SOX10: variants seen among roughly 807,000 people sequenced by gnomAD.
SOX10 encodes the protein SRY-box transcription factor 10.
A neutral mutation model predicts 35.0 loss-of-function variants in SOX10; 3 were observed. The ratio of observed to expected loss-of-function variants is 0.09; its 90% CI spans 0.04 to 0.22. The LOEUF is 0.22. Among genes scored for constraint, SOX10 ranks in the 10% least tolerant of loss-of-function variants. The pLI is 1.00. For synonymous variants in SOX10, 285 were observed against 291.0 expected, an observed-to-expected ratio of 0.98 and a Z score of 0.21; for missense variants, 436 against 655.1, an observed-to-expected ratio of 0.67 and a Z score of 3.65.
rs1932144389 is a variant in SOX10, at chr22:37,973,981, C to T, written c.915G>A (p.Gly305=). 1.2e-6 allele frequency: 2 copies of T among 1,612,526 alleles called. No individual in the cohort carries two copies. The highest frequency in any genetic ancestry group is 2.2e-5 in the East Asian group (1 of 44,884). The change falls in exon 4 of 4, where the codon GGG becomes GGA. Residue 305 remains glycine (G), a synonymous_variant. Transcript: ENST00000396884. The part of the protein sequence containing the change: ...AELDQYLPPN[G]HPGHVSSYSA... ...AGTAGCTGCTCACATGGCCTGGGTGCCCATTGGGCGGCAGGTACTGGTCCA... is the reference window on the plus strand; with the variant it reads ...AGTAGCTGCTCACATGGCCTGGGTGTCCATTGGGCGGCAGGTACTGGTCCA...
chr22:37,983,261 G>T lies in SOX10; in HGVS notation c.428+96C>A. On this transcript the variant is annotated intron_variant, in intron 2 of 3. Transcript: ENST00000396884. The surrounding 1 kb of genome is among the most constrained non-coding windows in gnomAD (Gnocchi z 9.5). ...CCTATCCAAGGAGGACTGCCAGACA[G>T]TCCCGCTCTGAGGTGCAGGAGGCCG... is the stretch of plus-strand genomic sequence containing the variant. 1 of 1,381,228 alleles carries T rather than the reference G, an allele frequency of 7.2e-7. No individual in the cohort carries two copies. The highest frequency in any genetic ancestry group is 1.0e-6 in the Non-Finnish European group (1 of 1,003,658). The allele number at this position is 1,381,228 out of a possible 1,614,324, so 85.6% of individuals were successfully genotyped here. A position where few individuals can be genotyped will look rare whatever the true frequency, so the allele number is the denominator to read the frequency against.
At chr22:37,976,320 T>C (rs1246871898) in intron 3 of SOX10, among the ~76,000 whole-genome samples, 1 of 152,216 alleles carries the variant, frequency 6.6e-6, no homozygotes, top group Non-Finnish European at 1.5e-5. Context: ...CTCAGCCTCC[T>C]GTGTAGCTGG....
rs2145777558 is a variant in SOX10 at position 37,983,665 on chromosome 22, C to T, written c.120G>A (p.Ser40=). Residue 40 remains serine (S), a synonymous_variant, in exon 2 of 4, where the codon TCG becomes TCA. Coordinates refer to ENST00000396884, the MANE Select transcript of SOX10 (RefSeq NM_006941.4). The surrounding 1 kb of genome is among the most constrained non-coding windows in gnomAD (Gnocchi z 9.5). ...CTGGCCCCGGGCTGGCTCGCAGGCC[C>T]GATCCGCCGCCGCCGCCGTCGGGCC... is the stretch of plus-strand genomic sequence containing the variant. The part of the protein sequence containing the change: ...SLGPDGGGGG[S]GLRASPGPGE... 1.3e-6 allele frequency: 2 copies of T among 1,582,698 alleles called. No individual in the cohort carries two copies. The highest frequency in any genetic ancestry group is 8.5e-7 in the Non-Finnish European group (1 of 1,170,664).
At chr22:37,981,949 G>A (rs184276867) in intron 2 of SOX10, among the ~76,000 whole-genome samples, 5 of 152,314 alleles carry the variant, frequency 3.3e-5, no homozygotes, top group African/African-American at 4.8e-5. Context: ...GCCAGGGGGC[G>A]GGATGTGAAT....
chr22:37,981,125 T>C (rs1226659916), intron 2 of SOX10, among the ~76,000 whole-genome samples: 1 of 152,174 alleles, frequency 6.6e-6, no homozygotes. Flanking sequence ...CCACACTCCC[T>C]TGGGGCACTC....
In SOX10 at chr22:37,974,156, G is replaced by C; in HGVS notation, c.740C>G (p.Thr247Arg). Residue 247 changes from threonine (T) to arginine (R), a missense_variant, in exon 4 of 4, where the codon ACA becomes AGA. Coordinates refer to ENST00000396884, the MANE Select transcript of SOX10 (RefSeq NM_006941.4). The surrounding 1 kb of genome is among the most constrained non-coding windows in gnomAD (Gnocchi z 5.4). ...GTCTGCCTTGCCCGACTGCAGCTCT[G>C]TCTTCGGGGTGGTTGGAGGGGTGGG... ...GPPTPPTTPK[T>R]ELQSGKADPK... 2 of 1,609,076 alleles carry C rather than the reference G, an allele frequency of 1.2e-6. No individual in the cohort carries two copies. Among genetic ancestry groups the C allele is most frequent in the Non-Finnish European group, 1.7e-6 (2 of 1,179,706 alleles).
intron 3 of SOX10, among the ~76,000 whole-genome samples, chr22:37,976,816 GTTA>G (rs1264403376): frequency 1.3e-5 from 2 of 152,120 alleles, no homozygotes; most frequent in African/African-American, 4.8e-5. Context: ...AAGGTTAGCT[GTTA>G]TTATCATTAA....
chr22:37,975,585 A>G (rs1466447186), intron 3 of SOX10, among the ~76,000 whole-genome samples: 1 of 152,120 alleles, frequency 6.6e-6, no homozygotes, highest in Non-Finnish European at 1.5e-5. Flanking sequence ...TGGTCTTAAG[A>G]GACTAGGAGC....
At position 37,981,830 on chromosome 22, in the gene SOX10, C is replaced by T. The variant is rs867993038; in HGVS notation, c.428+1527G>A. On this transcript the variant is annotated intron_variant, in intron 2 of 3. Coordinates refer to ENST00000396884, the MANE Select transcript of SOX10 (RefSeq NM_006941.4). The stretch of plus-strand genomic sequence containing the variant: ...AACTGGGCTGTCTGGGTCCACACAG[C>T]GGGCTGGTCGCTGAGCCCTGGGCCT... Among the ~76,000 whole-genome samples the T allele has an allele frequency of 9.2e-5, 14 of 152,216 alleles. No homozygotes were observed. The South Asian group carries it at 2.1e-3, about 22-fold the overall frequency.
At position 37,972,990 on chromosome 22, in the gene SOX10, C is replaced by G. The variant is rs1932104054; in HGVS notation, c.*505G>C. On this transcript the variant is annotated 3_prime_UTR_variant, in exon 4 of 4. Transcript: ENST00000396884. ...CAATGAGGCTCCTCAAAGCTACTCT[C>G]AGCCCCTGAGTGGGAGACACGGCCA... 1 of 156,848 alleles carries G rather than the reference C, an allele frequency of 6.4e-6. No homozygotes were observed. The highest frequency in any genetic ancestry group is 1.4e-5 in the Non-Finnish European group (1 of 71,146). 9.7% of individuals were successfully genotyped at this position (156,848 alleles called of 1,614,324 possible).
intron 2 of SOX10, among the ~76,000 whole-genome samples, chr22:37,982,715 G>A (rs1040753889): frequency 9.9e-5 from 15 of 152,120 alleles, no homozygotes; most frequent in African/African-American, 3.6e-4. Flanking sequence ...GGCAGGGCAG[G>A]AGGGGGAGCC....
In SOX10 at chr22:37,974,277, G is replaced by T; in HGVS notation, c.698-79C>A. The T allele has an allele frequency of 9.0e-7, 1 of 1,106,396 alleles. No individual in the cohort carries two copies. Among genetic ancestry groups the T allele is most frequent in the East Asian group, 2.4e-5 (1 of 42,126 alleles). 68.5% of individuals were successfully genotyped at this position (1,106,396 alleles called of 1,614,324 possible). On this transcript the variant is annotated intron_variant, in intron 3 of 3. Transcript: ENST00000396884. This position sits in a 1 kb window ranked among gnomAD's most constrained non-coding sequence, Gnocchi z 5.4. ...CAGGTGGGCGCACGTGAACTTCCAT[G>T]GTTCACCTTCAGGCAGCGGGTGCCT...
rs1239800567 is a variant in SOX10 at position 37,978,322 on chromosome 22, A to G, written c.429-187T>C. 6.6e-6 allele frequency among the ~76,000 whole-genome samples: 1 copy of G among 152,238 alleles called. No homozygotes were observed. Among genetic ancestry groups the G allele is most frequent in the East Asian group, 1.9e-4 (1 of 5,196 alleles). Reference sequence around the variant, plus strand: ...TGTGGACTGAGAGATGTGAGGCCCAAGGAATAACAGCCTCAGAGGGCTGCC... The same window carrying G: ...TGTGGACTGAGAGATGTGAGGCCCAGGGAATAACAGCCTCAGAGGGCTGCC... On this transcript the variant is annotated intron_variant, in intron 2 of 3. Transcript: ENST00000396884. This position sits in a 1 kb window ranked among gnomAD's most constrained non-coding sequence, Gnocchi z 5.0.
chr22:37,980,850 C>G lies in SOX10; in HGVS notation c.428+2507G>C, dbSNP rs1174693184. On this transcript the variant is annotated intron_variant, in intron 2 of 3. Coordinates refer to ENST00000396884, the MANE Select transcript of SOX10 (RefSeq NM_006941.4). This position sits in a 1 kb window ranked among gnomAD's most constrained non-coding sequence, Gnocchi z 4.1. ...TTGCTGCTACCTGTGTCCTGCTAGG[C>G]CAGGGGCATAAGAAGACTACTTGGG... Among the ~76,000 whole-genome samples the G allele has an allele frequency of 6.6e-6, 1 of 152,216 alleles. No individual in the cohort carries two copies. Among genetic ancestry groups the G allele is most frequent in the Non-Finnish European group, 1.5e-5 (1 of 68,042 alleles).
rs956308320 is a variant in SOX10, at chr22:37,972,432, A to G, written c.*1063T>C. ...GGAGACAGTAATGAGTTACATGTGG[A>G]TTTGGGGGGCTGCAGAACAGGAAAA... On this transcript the variant is annotated 3_prime_UTR_variant, in exon 4 of 4. Coordinates refer to ENST00000396884, the MANE Select transcript of SOX10 (RefSeq NM_006941.4). 8.4e-6 allele frequency: 3 copies of G among 357,568 alleles called. No individual in the cohort carries two copies. The highest frequency in any genetic ancestry group is 1.7e-5 in the Non-Finnish European group (3 of 177,124). 22.1% of individuals were successfully genotyped at this position (357,568 alleles called of 1,614,324 possible). A position where few individuals can be genotyped will look rare whatever the true frequency, so the allele number is the denominator to read the frequency against.
At chr22:37,976,940 G>A (rs1188681004) in intron 3 of SOX10, among the ~76,000 whole-genome samples, 1 of 151,898 alleles carries the variant, frequency 6.6e-6, no homozygotes, top group African/African-American at 2.4e-5. Flanking sequence ...GCCGAGGCGG[G>A]CAGATTGCCT....
rs202239470 is a variant in SOX10, at chr22:37,974,149, C to T, written c.747G>A (p.Leu249=). 2 of 1,610,702 alleles carry T rather than the reference C, an allele frequency of 1.2e-6. No homozygotes were observed. The highest frequency in any genetic ancestry group is 1.7e-5 in the Admixed American group (1 of 60,014). ...GCTTCGGGTCTGCCTTGCCCGACTG[C>T]AGCTCTGTCTTCGGGGTGGTTGGAG... The part of the protein sequence containing the change: ...PTPPTTPKTE[L]QSGKADPKRD... The change falls in exon 4 of 4, where the codon CTG becomes CTA. Residue 249 remains leucine (L), a synonymous_variant. Coordinates refer to ENST00000396884, the MANE Select transcript of SOX10 (RefSeq NM_006941.4). The surrounding 1 kb of genome is among the most constrained non-coding windows in gnomAD (Gnocchi z 5.4).
chr22:37,974,076 C>T lies in SOX10; in HGVS notation c.820G>A (p.Gly274Ser), dbSNP rs143007495. 17 of 1,613,862 alleles carry T rather than the reference C, an allele frequency of 1.1e-5. No homozygotes were observed. Among genetic ancestry groups the T allele is most frequent in the Non-Finnish European group, 1.3e-5 (15 of 1,180,038 alleles). ...CTGATCTCACCAATGTCCACGTTGC[C>T]GAAGTCGATGTGAGGCTTCCCGCCC... The part of the protein sequence containing the change: ...GEGGKPHIDF[G>S]NVDIGEISHE... The change falls in exon 4 of 4, where the codon GGC (glycine) becomes AGC (serine). Residue 274 changes from glycine (G) to serine (S), a missense_variant. This residue lies in a region of SOX10 where 285 missense variants were observed against 402.9 expected (regional missense o/e 0.71). Coordinates refer to ENST00000396884, the MANE Select transcript of SOX10 (RefSeq NM_006941.4). The surrounding 1 kb of genome is among the most constrained non-coding windows in gnomAD (Gnocchi z 5.4).
chr22:37,983,997 C>T lies in SOX10; in HGVS notation c.-84-129G>A. On this transcript the variant is annotated intron_variant, in intron 1 of 3. Coordinates refer to ENST00000396884, the MANE Select transcript of SOX10 (RefSeq NM_006941.4). This position sits in a 1 kb window ranked among gnomAD's most constrained non-coding sequence, Gnocchi z 9.5. ...AGCTAAACCCATCTGGCCCCTGGGG[C>T]CCACGCACATGCCAGACTCTAGGTG... is the stretch of plus-strand genomic sequence containing the variant. The T allele has an allele frequency of 3.0e-6, 1 of 333,692 alleles. No homozygotes were observed. The highest frequency in any genetic ancestry group is 2.2e-5 in the African/African-American group (1 of 44,864). The allele number at this position is 333,692 out of a possible 1,614,324, so 20.7% of individuals were successfully genotyped here.
Sources: allele counts gnomAD v4.1 joint callset (sites outside exome capture counted in the v4.1 genomes callset), GRCh38; gene constraint gnomAD v4.1.1; regional missense constraint gnomAD v4.1.1; non-coding constraint Gnocchi (gnomAD v3.1); transcripts MANE v1.5; gene names NCBI Gene and HGNC (gene_info 2026-07-23, HGNC 2026-07-21).